Variants in NCKAP5L observed in about 807,000 individuals in gnomAD.
The protein encoded by NCKAP5L is nck-associated protein 5-like.
In NCKAP5L, 54 loss-of-function variants were observed where a neutral mutation model predicts 103.2. The observed-to-expected ratio is 0.52, with a 90% CI of 0.42 to 0.66. NCKAP5L has a LOEUF of 0.66. NCKAP5L is among the 30% of genes least tolerant of loss of function. The pLI is 0.00. For missense variants in NCKAP5L, 1,733 were observed against 1,750.6 expected (o/e 0.99, Z 0.18); for synonymous variants, 762 against 748.6 (o/e 1.02, Z -0.29).
Position 49,821,354 on chromosome 12 carries a change from C to T in NCKAP5L, c.-99+6968G>A, listed in dbSNP as rs11836886. On this transcript the variant is annotated intron_variant, in intron 1 of 12. Coordinates refer to ENST00000335999, the MANE Select transcript of NCKAP5L (RefSeq NM_001037806.4). The stretch of plus-strand genomic sequence containing the variant: ...TGGGGAAATAGAAGACGATGTGATG[C>T]GGGTGGGGGAAGAGAAATGATCAGC... Among the ~76,000 whole-genome samples the T allele has an allele frequency of 8.6e-3, 1,310 of 152,126 alleles. 25 individuals carry two copies. Among genetic ancestry groups the T allele is most frequent in the African/African-American group, 0.03 (1,262 of 41,498 alleles).
chr12:49,795,135 C>T lies in NCKAP5L; in HGVS notation c.2725G>A (p.Val909Ile). ...QGQERAPGAE[V>I]KHRNTSSIAS... The stretch of plus-strand genomic sequence containing the variant: ...ATGCTGCTGGTGTTGCGGTGCTTGA[C>T]CTCGGCGCCAGGGGCTCGCTCCTGG... Residue 909 changes from valine to isoleucine, a missense_variant, in exon 8 of 13, where the codon GTC (valine) becomes ATC (isoleucine). Coordinates refer to ENST00000335999, the MANE Select transcript of NCKAP5L (RefSeq NM_001037806.4). The T allele has an allele frequency of 4.3e-6, 7 of 1,611,846 alleles. No homozygotes were observed. The highest frequency in any genetic ancestry group is 5.9e-6 in the Non-Finnish European group (7 of 1,179,386).
intron 4 of NCKAP5L, 23 bp downstream of exon 4, chr12:49,803,074 A>G: frequency 6.2e-7 from 1 of 1,614,218 alleles, no homozygotes; most frequent in Admixed American, 1.7e-5. Flanking sequence ...ACATCCCCCC[A>G]GTCCCACTAC....
chr12:49,799,621 T>G (rs1043414675), intron 6 of NCKAP5L, among the ~76,000 whole-genome samples: 1 of 152,182 alleles, frequency 6.6e-6, no homozygotes, highest in Non-Finnish European at 1.5e-5. Flanking sequence ...TCGGCCTCAT[T>G]TTCTTTTCTA....
chr12:49,813,893 A>G (rs1024759060), intron 1 of NCKAP5L, among the ~76,000 whole-genome samples: 1 of 152,002 alleles, frequency 6.6e-6, no homozygotes, highest in Non-Finnish European at 1.5e-5. Flanking sequence ...TGCCACAGTC[A>G]TAGTTTACTG....
chr12:49,795,418 G>A lies in NCKAP5L; in HGVS notation c.2442C>T (p.Ser814=). ...GTGACTTGGAAGGGAGCTTGGTGGG[G>A]CTGCTGTGAGGGCTCTTATTGGGCT... ...LGKPNKSPHS[S]PTKLPSKSPT... Residue 814 remains serine (S), a synonymous_variant, in exon 8 of 13, where the codon AGC becomes AGT. Transcript: ENST00000335999. 4 of 1,584,666 alleles carry A rather than the reference G, an allele frequency of 2.5e-6. No individual in the cohort carries two copies. The highest frequency in any genetic ancestry group is 1.7e-4 in the Middle Eastern group (1 of 5,876).
At chr12:49,807,046 T>A (rs1229631081) in intron 1 of NCKAP5L, among the ~76,000 whole-genome samples, 1 of 151,970 alleles carries the variant, frequency 6.6e-6, no homozygotes, top group African/African-American at 2.4e-5. Context: ...TACCCAGGGG[T>A]CTCCGCTATA....
chr12:49,816,495 CAAAAAA>C lies in NCKAP5L; in HGVS notation c.-98-10460_-98-10455del, dbSNP rs1163941989. Among the ~76,000 whole-genome samples the C allele has an allele frequency of 1.8e-3, 91 of 49,436 alleles. 2 individuals are homozygous for C. The highest frequency in any genetic ancestry group is 6.6e-3 in the African/African-American group (86 of 13,060). The allele number at this position is 49,436 out of a possible 152,430, so 32.4% of individuals were successfully genotyped here. On this transcript the variant is annotated intron_variant, in intron 1 of 12. Coordinates refer to ENST00000335999, the MANE Select transcript of NCKAP5L (RefSeq NM_001037806.4). ...ACCCTTTCAAAGTTCTCAACCCTCT[CAAAAAA>C]AAAAAAAAAAAAAAAAGGCTGGACG...
At position 49,794,997 on chromosome 12, in the gene NCKAP5L, T is replaced by C. The variant is rs1946009442; in HGVS notation, c.2863A>G (p.Lys955Glu). 14 of 1,598,024 alleles carry C rather than the reference T, an allele frequency of 8.8e-6. No individual in the cohort carries two copies. The East Asian group carries it at 2.9e-4, about 34-fold the overall frequency. The change falls in exon 8 of 13, where the codon AAG (lysine) becomes GAG (glutamate). Residue 955 changes from lysine to glutamate, a missense_variant. By Grantham distance (56) the Lys-to-Glu change is moderately conservative (BLOSUM62 1). Transcript: ENST00000335999. Reference protein sequence around the residue: ...GGGSPLRREVKMEARKLEAES... With the variant: ...GGGSPLRREVEMEARKLEAES... Reference sequence around the variant, plus strand: ...GCCTCCAGCTTCCGGGCTTCCATCTTGACTTCCCTCCGGAGCGGGGAGCCC... The same window carrying C: ...GCCTCCAGCTTCCGGGCTTCCATCTCGACTTCCCTCCGGAGCGGGGAGCCC...
chr12:49,802,691 C>G (rs759261346), intron 5 of NCKAP5L: 1 of 527,782 alleles, frequency 1.9e-6, no homozygotes, highest in Non-Finnish European at 3.4e-6. Context: ...AACATCAACA[C>G]TGCTTTAAGG....
chr12:49,807,663 T>C (rs1388880429), intron 1 of NCKAP5L, among the ~76,000 whole-genome samples: 2 of 152,246 alleles, frequency 1.3e-5, no homozygotes, highest in South Asian at 2.1e-4. Flanking sequence ...TTAAGAATTA[T>C]CTTCCTTCCC....
chr12:49,812,951 A>G (rs1223955930), intron 1 of NCKAP5L, among the ~76,000 whole-genome samples: 1 of 152,174 alleles, frequency 6.6e-6, no homozygotes, highest in African/African-American at 2.4e-5. Context: ...TACTTTATAA[A>G]TCATCTCCAG....
intron 2 of NCKAP5L, chr12:49,805,146 C>T (rs1371183848): frequency 6.6e-6 from 1 of 152,460 alleles, no homozygotes; most frequent in Non-Finnish European, 1.5e-5. Flanking sequence ...ATTCATCCTT[C>T]AGGGCTCCCA....
At chr12:49,809,856 G>C (rs1036278443) in intron 1 of NCKAP5L, among the ~76,000 whole-genome samples, 1 of 152,092 alleles carries the variant, frequency 6.6e-6, no homozygotes, top group African/African-American at 2.4e-5. Flanking sequence ...GGGCAGACAA[G>C]AATTTCCTTC....
At position 49,792,732 on chromosome 12, in the gene NCKAP5L, G is replaced by C. The variant is rs1465714971; in HGVS notation, c.3595C>G (p.Pro1199Ala). The C allele has an allele frequency of 1.2e-6, 2 of 1,610,402 alleles. No individual in the cohort carries two copies. Among genetic ancestry groups the C allele is most frequent in the East Asian group, 2.2e-5 (1 of 44,754 alleles). Reference sequence around the variant, plus strand: ...CCCGGAGCAGCGGGTAGCAGTGCAGGGAAGGCTGGCATGCTGGGGTGCCGC... The same window carrying C: ...CCCGGAGCAGCGGGTAGCAGTGCAGCGAAGGCTGGCATGCTGGGGTGCCGC... ...SGRHPSMPAFPALLPAAPGHR... is the reference protein window; with the variant it reads ...SGRHPSMPAFAALLPAAPGHR... The change falls in exon 11 of 13, where the codon CCT (proline) becomes GCT (alanine). Residue 1199 changes from proline (P) to alanine (A), a missense_variant. Coordinates refer to ENST00000335999, the MANE Select transcript of NCKAP5L (RefSeq NM_001037806.4). The surrounding 1 kb of genome is among the most constrained non-coding windows in gnomAD (Gnocchi z 4.5).
intron 1 of NCKAP5L, among the ~76,000 whole-genome samples, chr12:49,813,831 ATT>A (rs1017166880): frequency 2.0e-5 from 3 of 148,196 alleles, no homozygotes; most frequent in African/African-American, 7.4e-5. Flanking sequence ...CCTGGCCTAC[ATT>A]TTTTTTTTAA....
At chr12:49,804,126 T>C in intron 2 of NCKAP5L, 46 bp from the exon 3 acceptor site, 1 of 1,566,448 alleles carries the variant, frequency 6.4e-7, no homozygotes, top group Non-Finnish European at 8.6e-7. Context: ...AGGACAAAGA[T>C]GAAACCCTTT....
At chr12:49,816,320 G>C (rs1389282115) in intron 1 of NCKAP5L, among the ~76,000 whole-genome samples, 2 of 152,024 alleles carry the variant, frequency 1.3e-5, no homozygotes, top group African/African-American at 4.8e-5. Context: ...TCATCAGAAA[G>C]AAGGTTAGAA....
At chr12:49,822,719 AT>A (rs1946374595) in intron 1 of NCKAP5L, among the ~76,000 whole-genome samples, 1 of 151,636 alleles carries the variant, frequency 6.6e-6, no homozygotes. Flanking sequence ...GCTAATTTTT[AT>A]ATTTTTTGGT....
At chr12:49,808,606 G>C (rs911761644) in intron 1 of NCKAP5L, among the ~76,000 whole-genome samples, 1 of 152,190 alleles carries the variant, frequency 6.6e-6, no homozygotes, top group Non-Finnish European at 1.5e-5. Context: ...GCCAAGTCAG[G>C]AATGTGGCCC....
Sources: allele counts gnomAD v4.1 joint callset (sites outside exome capture counted in the v4.1 genomes callset), GRCh38; gene constraint gnomAD v4.1.1; non-coding constraint Gnocchi (gnomAD v3.1); transcripts MANE v1.5; gene names NCBI Gene and HGNC (gene_info 2026-07-23, HGNC 2026-07-21).